TMEM132C: variants seen among roughly 807,000 people sequenced by gnomAD.
TMEM132C encodes the protein transmembrane protein 132C, also known as protein phosphatase 1, regulatory subunit 152.
In TMEM132C, 29 loss-of-function variants were observed where a neutral mutation model predicts 61.4. The ratio of observed to expected loss-of-function variants is 0.47; its 90% confidence interval spans 0.35 to 0.64. TMEM132C has a LOEUF of 0.64. TMEM132C is among the 30% of genes least tolerant of loss of function. TMEM132C has a pLI of 0.00. For synonymous variants in TMEM132C, 656 were observed against 633.1 expected, an observed-to-expected ratio of 1.04 and a Z score of -0.54; for missense variants, 1,408 against 1,476.9, an observed-to-expected ratio of 0.95 and a Z score of 0.76.
At chr12:128,601,049 T>C (rs1296672965) in intron 3 of TMEM132C, among the ~76,000 whole-genome samples, 3 of 152,244 alleles carry the variant, frequency 2.0e-5, no homozygotes, top group Non-Finnish European at 4.4e-5. Flanking sequence ...ATAGCAAGCT[T>C]TGGAGCAAAT....
Position 128,622,360 on chromosome 12 carries a change from A to AAAAAT in TMEM132C, c.1305+6026_1305+6027insAAATA, listed in dbSNP as rs1277080166. 1.0e-3 allele frequency among the ~76,000 whole-genome samples: 30 copies of AAAAAT among 30,108 alleles called. 2 individuals carry two copies. The highest frequency in any genetic ancestry group is 3.1e-3 in the African/African-American group (19 of 6,054). 19.8% of individuals were successfully genotyped at this position (30,108 alleles called of 152,430 possible). ...CTTTGTCTCAAAAAAAAAAAAAAAA[A>AAAAAT]ATATATATATATATATATATATATA... On this transcript the variant is annotated intron_variant, in intron 4 of 8. Coordinates refer to ENST00000435159, the MANE Select transcript of TMEM132C (RefSeq NM_001136103.3).
chr12:128,637,719 C>A (rs547779460), intron 4 of TMEM132C, among the ~76,000 whole-genome samples: 7 of 152,248 alleles, frequency 4.6e-5, no homozygotes, highest in African/African-American at 1.7e-4. Flanking sequence ...CCTCTCGCCA[C>A]GATACAAACC....
chr12:128,566,557 T>C (rs1565976219), intron 3 of TMEM132C, among the ~76,000 whole-genome samples: 2 of 152,212 alleles, frequency 1.3e-5, no homozygotes, highest in Non-Finnish European at 2.9e-5. Flanking sequence ...ATTTGCTTTG[T>C]TTGTTTCTAG....
At chr12:128,319,596 G>A (rs986064021) in intron 1 of TMEM132C, among the ~76,000 whole-genome samples, 3 of 152,100 alleles carry the variant, frequency 2.0e-5, no homozygotes, top group African/African-American at 7.2e-5. Flanking sequence ...GGGAGGCCGA[G>A]ATGGGCGGAT....
chr12:128,403,592 A>G (rs937598190), intron 1 of TMEM132C, among the ~76,000 whole-genome samples: 6 of 152,176 alleles, frequency 3.9e-5, no homozygotes, highest in Admixed American at 6.5e-5. Context: ...ACAATTCCCA[A>G]TTGTTAAGCA....
intron 1 of TMEM132C, among the ~76,000 whole-genome samples, chr12:128,370,903 C>T (rs11059664): frequency 0.038 from 5,811 of 152,214 alleles, 227 homozygotes; most frequent in African/African-American, 0.094. Flanking sequence ...CACTATGCCC[C>T]AGACATTGTT....
chr12:128,378,398 G>A (rs1282329342), intron 1 of TMEM132C, among the ~76,000 whole-genome samples: 1 of 150,838 alleles, frequency 6.6e-6, no homozygotes, highest in Non-Finnish European at 1.5e-5. Flanking sequence ...TTACAGGCGT[G>A]AGCCACCACG....
intron 1 of TMEM132C, among the ~76,000 whole-genome samples, chr12:128,284,616 A>C (rs1871001165): frequency 6.6e-6 from 1 of 152,206 alleles, no homozygotes; most frequent in Non-Finnish European, 1.5e-5. Context: ...AGGTTAGCAG[A>C]GTGCCTCTTC....
chr12:128,465,765 C>T (rs955511105), intron 2 of TMEM132C, among the ~76,000 whole-genome samples: 3 of 152,222 alleles, frequency 2.0e-5, no homozygotes, highest in Non-Finnish European at 4.4e-5. Context: ...AAGCATGCCA[C>T]GCGTTAAGGT....
At chr12:128,366,484 A>G (rs1014643944) in intron 1 of TMEM132C, among the ~76,000 whole-genome samples, 1 of 152,154 alleles carries the variant, frequency 6.6e-6, no homozygotes, top group African/African-American at 2.4e-5. Context: ...ATAGCCCCGG[A>G]TCACAGAACT....
chr12:128,380,173 G>C (rs1382530543), intron 1 of TMEM132C, among the ~76,000 whole-genome samples: 2 of 152,242 alleles, frequency 1.3e-5, no homozygotes, highest in African/African-American at 4.8e-5. Flanking sequence ...TACACAGAAA[G>C]GAAGCTTCAG....
chr12:128,498,820 C>T lies in TMEM132C; in HGVS notation c.975-45137C>T, dbSNP rs569691454. ...CTTAGAATAAATGTAACAAAAGAAA[C>T]GGAAGACTTGTACCCTGAAAACTAA... On this transcript the variant is annotated intron_variant, in intron 2 of 8. Coordinates refer to ENST00000435159, the MANE Select transcript of TMEM132C (RefSeq NM_001136103.3). 3.8e-4 allele frequency among the ~76,000 whole-genome samples: 58 copies of T among 151,690 alleles called. No individual in the cohort carries two copies. In the South Asian group the frequency reaches 7.9e-3, roughly 21 times the overall value.
chr12:128,557,545 C>G (rs1322769732), intron 3 of TMEM132C, among the ~76,000 whole-genome samples: 2 of 152,190 alleles, frequency 1.3e-5, no homozygotes, highest in Non-Finnish European at 2.9e-5. Flanking sequence ...GGTCCTCCCC[C>G]TGAAACCATG....
At chr12:128,549,245 A>C (rs76925685) in intron 3 of TMEM132C, among the ~76,000 whole-genome samples, 3 of 152,010 alleles carry the variant, frequency 2.0e-5, no homozygotes. Flanking sequence ...GCAGCTCATT[A>C]TCCTCTCACC....
At chr12:128,681,803 G>T (rs1458813428) in intron 5 of TMEM132C, among the ~76,000 whole-genome samples, 6 of 147,146 alleles carry the variant, frequency 4.1e-5, no homozygotes, top group African/African-American at 1.5e-4. Context: ...ACAGGTGAGC[G>T]CTACCACGCC....
intron 3 of TMEM132C, among the ~76,000 whole-genome samples, chr12:128,547,215 A>G (rs1873982334): frequency 6.6e-6 from 1 of 152,140 alleles, no homozygotes; most frequent in South Asian, 2.1e-4. Context: ...GCAGTCAAGT[A>G]TCTGAAGCCT....
rs146151185 is a variant in TMEM132C, at chr12:128,416,910, T to G, written c.974+1290T>G. On this transcript the variant is annotated intron_variant, in intron 2 of 8. Transcript: ENST00000435159. ...GAACTCTTACATCTTTTTATGAGAT[T>G]TACTGTACAAGGGATTCTCATTGCA... is the stretch of plus-strand genomic sequence containing the variant. Among the ~76,000 whole-genome samples, 528 of 152,304 alleles carry G rather than the reference T, an allele frequency of 3.5e-3. 3 individuals are homozygous for G. Among genetic ancestry groups the G allele is most frequent in the Non-Finnish European group, 4.8e-3 (328 of 68,012 alleles).
chr12:128,533,767 TGAG>T (rs1466656663), intron 2 of TMEM132C, among the ~76,000 whole-genome samples: 4 of 152,128 alleles, frequency 2.6e-5, no homozygotes, highest in Admixed American at 2.6e-4. Context: ...ATTGGAAAGG[TGAG>T]GAGTTCAACC....
rs1159380140 is a variant in TMEM132C at position 128,706,225 on chromosome 12, G to C, written c.3257G>C (p.Cys1086Ser). Reference sequence around the variant, plus strand: ...AATGATGAGGACATCAAATGGGTGTGTCAAGACGTGGCTGTGGGTGCCCCC... The same window carrying C: ...AATGATGAGGACATCAAATGGGTGTCTCAAGACGTGGCTGTGGGTGCCCCC... ...SSNDEDIKWV[C>S]QDVAVGAPKE... The change falls in exon 9 of 9, where the codon TGT (cysteine) becomes TCT (serine). Residue 1086 changes from cysteine (C) to serine (S), a missense_variant. Cys to Ser is a moderately radical substitution (Grantham distance 112). Transcript: ENST00000435159. The C allele has an allele frequency of 6.4e-7, 1 of 1,551,776 alleles. No homozygotes were observed.
Sources: gnomAD v4.1 joint callset for allele counts (sites outside exome capture counted in the v4.1 genomes callset) on GRCh38, gnomAD v4.1.1 for gene constraint, MANE v1.5 for transcripts, NCBI Gene and HGNC (gene_info 2026-07-23, HGNC 2026-07-21) for gene names.